TMEM132D: variants seen among roughly 807,000 people sequenced by gnomAD.
TMEM132D encodes the protein mature OL transmembrane protein.
In TMEM132D, 21 loss-of-function variants were observed where a neutral mutation model predicts 62.3. That is an observed-to-expected ratio of 0.34 (90% CI 0.24 to 0.49). The LOEUF (loss-of-function observed/expected upper bound fraction) is 0.49. Ranked by LOEUF, TMEM132D falls within the 20% of genes least tolerant of loss-of-function variation. The pLI, the probability that TMEM132D is intolerant of heterozygous loss-of-function variation, is 0.99. For synonymous variants in TMEM132D, 621 were observed against 575.6 expected, an observed-to-expected ratio of 1.08 and a Z score of -1.13; for missense variants, 1,346 against 1,402.8, an observed-to-expected ratio of 0.96 and a Z score of 0.65.
At chr12:129,574,994 T>A (rs1452240492) in intron 2 of TMEM132D, among the ~76,000 whole-genome samples, 1 of 151,634 alleles carries the variant, frequency 6.6e-6, no homozygotes, top group Admixed American at 6.6e-5. Flanking sequence ...AACAATGCAG[T>A]CAACGCTCCT....
At position 129,903,373 on chromosome 12, in the gene TMEM132D, C is replaced by T. The variant is rs369857167; in HGVS notation, c.-34G>A. 26 of 1,545,782 alleles carry T rather than the reference C, an allele frequency of 1.7e-5. No individual in the cohort carries two copies. The highest frequency in any genetic ancestry group is 2.0e-5 in the Non-Finnish European group (23 of 1,142,210). On this transcript the variant is annotated 5_prime_UTR_variant, in exon 1 of 9. Transcript: ENST00000422113. This position sits in a 1 kb window ranked among gnomAD's most constrained non-coding sequence, Gnocchi z 6.2. The stretch of plus-strand genomic sequence containing the variant: ...CCCGGAGCGCAGATCCTCCGCTCCC[C>T]GGCGCCGTCCAGGCGAACAAGAGAC...
In TMEM132D at chr12:129,356,250, G is replaced by A. The variant is rs957612264; in HGVS notation, c.1116-18433C>T. Among the ~76,000 whole-genome samples the A allele has an allele frequency of 1.4e-4, 4 of 27,692 alleles. 2 individuals are homozygous for A. The highest frequency in any genetic ancestry group is 2.9e-4 in the Non-Finnish European group (4 of 13,632). The allele number at this position is 27,692 out of a possible 152,430, so 18.2% of individuals were successfully genotyped here. On this transcript the variant is annotated intron_variant, in intron 3 of 8. Coordinates refer to ENST00000422113, the MANE Select transcript of TMEM132D (RefSeq NM_133448.3). ...CGGCTCACTGCAAGCTCCGCCTCCC[G>A]GGTTCACGCCATTCTCCTGCCTCAG...
At chr12:129,548,626 G>A (rs1460262712) in intron 2 of TMEM132D, among the ~76,000 whole-genome samples, 1 of 152,108 alleles carries the variant, frequency 6.6e-6, no homozygotes, top group Non-Finnish European at 1.5e-5. Context: ...CATCACAGAA[G>A]AGCCTGCTGA....
At chr12:129,814,350 C>G (rs775025476) in intron 1 of TMEM132D, among the ~76,000 whole-genome samples, 9 of 152,192 alleles carry the variant, frequency 5.9e-5, no homozygotes, top group Admixed American at 3.9e-4. Flanking sequence ...TGGCTCACGC[C>G]TGTCATCCCA....
intron 2 of TMEM132D, among the ~76,000 whole-genome samples, chr12:129,638,566 C>CATAAATTATATATAA (rs1555223116): frequency 9.1e-6 from 1 of 109,752 alleles, no homozygotes; most frequent in Non-Finnish European, 2.0e-5. Context: ...AATATATAAA[C>CATAAATTATATATAA]ATATATAAAT....
chr12:129,797,953 T>A (rs1317718077), intron 1 of TMEM132D, among the ~76,000 whole-genome samples: 1 of 152,194 alleles, frequency 6.6e-6, no homozygotes, highest in Non-Finnish European at 1.5e-5. Flanking sequence ...GACTGGATCA[T>A]GGGGATGGAT....
chr12:129,673,680 G>A (rs572143768), intron 2 of TMEM132D, among the ~76,000 whole-genome samples: 137 of 152,242 alleles, frequency 9.0e-4, no homozygotes, highest in African/African-American at 3.0e-3. Context: ...CCATATTGAC[G>A]ATTTCTGGGT....
At chr12:129,700,816 A>G in intron 1 of TMEM132D, 118 bp from the exon 2 acceptor site, 1 of 1,186,832 alleles carries the variant, frequency 8.4e-7, no homozygotes, top group Non-Finnish European at 1.1e-6. Context: ...CAATTATGCA[A>G]TTCCTTATCC....
At chr12:129,423,741 T>G (rs1872397308) in intron 3 of TMEM132D, among the ~76,000 whole-genome samples, 1 of 152,108 alleles carries the variant, frequency 6.6e-6, no homozygotes, top group Non-Finnish European at 1.5e-5. Flanking sequence ...CTTTCAATAT[T>G]ATTTATGGTA....
chr12:129,793,908 A>G lies in TMEM132D; in HGVS notation c.80-93210T>C, dbSNP rs544016044. 5.1e-4 allele frequency among the ~76,000 whole-genome samples: 78 copies of G among 152,310 alleles called. 1 individual carries two copies. The South Asian group carries it at 0.014, about 28-fold the overall frequency. ...ATTTTGCCTATGGTGTTGTAGACAC[A>G]TAGGAACTTAATTTTTGTTTGTAAG... On this transcript the variant is annotated intron_variant, in intron 1 of 8. Transcript: ENST00000422113.
At chr12:129,502,492 T>G (rs769153387) in intron 3 of TMEM132D, among the ~76,000 whole-genome samples, 1 of 152,098 alleles carries the variant, frequency 6.6e-6, no homozygotes, top group African/African-American at 2.4e-5. Flanking sequence ...TATTGACTCA[T>G]GTACATGAAA....
intron 1 of TMEM132D, among the ~76,000 whole-genome samples, chr12:129,898,925 T>G (rs1176781993): frequency 6.6e-6 from 1 of 152,170 alleles, no homozygotes; most frequent in African/African-American, 2.4e-5. Context: ...AGGTCTGAGC[T>G]TACAACTTAA....
intron 5 of TMEM132D, among the ~76,000 whole-genome samples, chr12:129,095,323 C>T (rs995226434): frequency 6.7e-6 from 1 of 149,488 alleles, no homozygotes; most frequent in Non-Finnish European, 1.5e-5. Flanking sequence ...ACATAGGCCC[C>T]TAACACCACA....
chr12:129,689,994 TTTTTTC>T (rs1416316246), intron 2 of TMEM132D, among the ~76,000 whole-genome samples: 6 of 152,166 alleles, frequency 3.9e-5, no homozygotes, highest in Non-Finnish European at 2.9e-5. Context: ...GGTAAAATAA[TTTTTTC>T]TTTTTCTTAA....
At chr12:129,198,012 G>A (rs564540526) in intron 5 of TMEM132D, among the ~76,000 whole-genome samples, 2 of 152,108 alleles carry the variant, frequency 1.3e-5, no homozygotes, top group African/African-American at 2.4e-5. Flanking sequence ...GCTACAAATA[G>A]TCAATAGATA....
At chr12:129,317,587 T>G (rs1258160509) in intron 4 of TMEM132D, among the ~76,000 whole-genome samples, 1 of 152,176 alleles carries the variant, frequency 6.6e-6, no homozygotes, top group Non-Finnish European at 1.5e-5. Flanking sequence ...CTTTCCTTCA[T>G]CTTGACTTTA....
At chr12:129,360,829 A>G (rs1441217323) in intron 3 of TMEM132D, among the ~76,000 whole-genome samples, 3 of 152,168 alleles carry the variant, frequency 2.0e-5, no homozygotes, top group East Asian at 1.9e-4. Flanking sequence ...CCACTGTGCA[A>G]TGGCGGCTTT....
chr12:129,393,476 G>A lies in TMEM132D; in HGVS notation c.1116-55659C>T, dbSNP rs562907918. ...GGCTGAAGGTGGTGGCTGAGAGTGC[G>A]TTAAGGGGTTTGCTGAAGGCACACT... On this transcript the variant is annotated intron_variant, in intron 3 of 8. Coordinates refer to ENST00000422113, the MANE Select transcript of TMEM132D (RefSeq NM_133448.3). Among the ~76,000 whole-genome samples, 22 of 152,294 alleles carry A rather than the reference G, an allele frequency of 1.4e-4. 1 individual carries two copies. Among genetic ancestry groups the A allele is most frequent in the African/African-American group, 4.6e-4 (19 of 41,564 alleles).
chr12:129,670,508 A>C (rs896354115), intron 2 of TMEM132D, among the ~76,000 whole-genome samples: 5 of 152,082 alleles, frequency 3.3e-5, no homozygotes, highest in Admixed American at 3.3e-4. Context: ...GAACTGACTC[A>C]GTGCAAGAAG....
Sources: gnomAD v4.1 joint callset for allele counts (sites outside exome capture counted in the v4.1 genomes callset) on GRCh38, gnomAD v4.1.1 for gene constraint, Gnocchi (gnomAD v3.1) non-coding constraint, MANE v1.5 for transcripts, NCBI Gene and HGNC (gene_info 2026-07-23, HGNC 2026-07-21) for gene names.